Variants in CEACAM1 observed in about 807,000 individuals in gnomAD.
CEACAM1 encodes CEA cell adhesion molecule 1, also known as cell adhesion molecule CEACAM1.
A neutral mutation model predicts 49.1 loss-of-function variants in CEACAM1; 31 were observed. The ratio of observed to expected loss-of-function variants is 0.63; its 90% CI spans 0.47 to 0.85. The LOEUF (loss-of-function observed/expected upper bound fraction) is 0.85. CEACAM1 is among the 40% of genes least tolerant of loss of function. CEACAM1 has a pLI of 0.00. For missense variants in CEACAM1, 570 were observed against 645.3 expected, an observed-to-expected ratio of 0.88 and a Z score of 1.26; for synonymous variants, 244 against 247.8, an observed-to-expected ratio of 0.98 and a Z score of 0.14.
chr19:42,525,057 C>T (rs1749808155), intron 2 of CEACAM1, among the ~76,000 whole-genome samples: 1 of 152,030 alleles, frequency 6.6e-6, no homozygotes, highest in African/African-American at 2.4e-5. Flanking sequence ...GAGAGAACTA[C>T]TGAGTGTGTG....
chr19:42,522,132 G>A lies in CEACAM1; in HGVS notation c.495C>T (p.Phe165=). 1.9e-6 allele frequency: 3 copies of A among 1,614,234 alleles called. No individual in the cohort carries two copies. Among genetic ancestry groups the A allele is most frequent in the Non-Finnish European group, 2.5e-6 (3 of 1,180,046 alleles). ...TGTCCTGAGTCTCAGGTTCACAGGTGAAGGCCACAGCATCCTTGTCCTCCA... is the reference window on the plus strand; with the variant it reads ...TGTCCTGAGTCTCAGGTTCACAGGTAAAGGCCACAGCATCCTTGTCCTCCA... ...NPVEDKDAVA[F]TCEPETQDTT... Residue 165 remains phenylalanine, a synonymous_variant, in exon 3 of 9, where the codon TTC becomes TTT. Coordinates refer to ENST00000161559, the MANE Select transcript of CEACAM1 (RefSeq NM_001712.5).
intron 2 of CEACAM1, 47 bp from the exon 3 acceptor site, chr19:42,522,249 T>G: frequency 6.2e-7 from 1 of 1,605,302 alleles, no homozygotes; most frequent in Non-Finnish European, 8.5e-7. Flanking sequence ...CACCTTTGAT[T>G]CCTCCACAGG....
At chr19:42,512,624 T>C in intron 5 of CEACAM1, 145 bp from the exon 6 acceptor site, 1 of 710,368 alleles carries the variant, frequency 1.4e-6, no homozygotes, top group Non-Finnish European at 2.3e-6. Flanking sequence ...GGAAGGTGAT[T>C]AGCTAACTAT....
chr19:42,511,697 G>T, intron 6 of CEACAM1, 69 bp from the exon 7 acceptor site: 1 of 1,457,698 alleles, frequency 6.9e-7, no homozygotes, highest in Non-Finnish European at 9.6e-7. Flanking sequence ...AGTTAGGAAG[G>T]ACACTGTGAG....
intron 1 of CEACAM1, 91 bp from the exon 2 acceptor site, chr19:42,527,491 C>T (rs1328595822): frequency 6.8e-7 from 1 of 1,462,950 alleles, no homozygotes; most frequent in African/African-American, 1.4e-5. Context: ...GTGTCTTCAC[C>T]CCTCCACCTT....
chr19:42,515,187 CAGG>C (rs2041569561), intron 5 of CEACAM1: 1 of 528,956 alleles, frequency 1.9e-6, no homozygotes, highest in East Asian at 3.3e-5. Flanking sequence ...TGCTTGAGCC[CAGG>C]AGGTTGAGGC....
At position 42,507,494 on chromosome 19, in the gene CEACAM1, C is replaced by T. The variant is rs970592719; in HGVS notation, c.*1615G>A. 1 of 152,106 alleles carries T rather than the reference C, an allele frequency of 6.6e-6. No individual in the cohort carries two copies. Among genetic ancestry groups the T allele is most frequent in the African/African-American group, 2.4e-5 (1 of 41,410 alleles). 9.4% of individuals were successfully genotyped at this position (152,106 alleles called of 1,614,324 possible). On this transcript the variant is annotated 3_prime_UTR_variant, in exon 9 of 9. Transcript: ENST00000161559. The stretch of plus-strand genomic sequence containing the variant: ...GAGTATAGAGAACTCCAAGCTAATC[C>T]TCCTGGAGAAAGCCTCTTAGGCCTA...
At chr19:42,519,387 C>T in intron 4 of CEACAM1, 152 bp from the exon 5 acceptor site, 3 of 702,314 alleles carry the variant, frequency 4.3e-6, no homozygotes, top group Non-Finnish European at 7.3e-6. Context: ...AGCCCTGACC[C>T]TCTGCAGAAG....
At chr19:42,523,844 A>T (rs1161326428) in intron 2 of CEACAM1, among the ~76,000 whole-genome samples, 1 of 152,228 alleles carries the variant, frequency 6.6e-6, no homozygotes, top group Admixed American at 6.5e-5. Context: ...TGATCAAAGA[A>T]AGATGCTGAA....
intron 3 of CEACAM1, among the ~76,000 whole-genome samples, 161 bp downstream of exon 3, chr19:42,521,763 G>C (rs1445215870): frequency 6.6e-6 from 1 of 152,214 alleles, no homozygotes; most frequent in Non-Finnish European, 1.5e-5. Flanking sequence ...GTTCAGGCTG[G>C]GGCTGCCCAG....
intron 2 of CEACAM1, among the ~76,000 whole-genome samples, chr19:42,524,615 G>A (rs1324234415): frequency 6.6e-6 from 1 of 152,156 alleles, no homozygotes; most frequent in Admixed American, 6.5e-5. Flanking sequence ...CAGTGTGAGC[G>A]GGAAGGGAAC....
chr19:42,517,878 C>T (rs1209398916), intron 5 of CEACAM1, among the ~76,000 whole-genome samples: 1 of 152,058 alleles, frequency 6.6e-6, no homozygotes, highest in Non-Finnish European at 1.5e-5. Context: ...ATTTGTATAC[C>T]CATGTTTGTA....
Position 42,522,000 on chromosome 19 carries a change from G to T in CEACAM1, c.627C>A (p.Asp209Glu). Residue 209 changes from aspartate to glutamate, a missense_variant, in exon 3 of 9, where the codon GAC becomes GAA. Physicochemically the swap from Asp to Glu is conservative, Grantham distance 45. Transcript: ENST00000161559. ...TLTLLSVTRNDTGPYECEIQN... is the reference protein window; with the variant it reads ...TLTLLSVTRNETGPYECEIQN... ...GTATTTCACACTCATAGGGTCCTGTGTCATTCCTTGTGACACTGAGTAGAG... is the reference window on the plus strand; with the variant it reads ...GTATTTCACACTCATAGGGTCCTGTTTCATTCCTTGTGACACTGAGTAGAG... 1 of 1,614,232 alleles carries T rather than the reference G, an allele frequency of 6.2e-7. No homozygotes were observed.
intron 8 of CEACAM1, among the ~76,000 whole-genome samples, chr19:42,509,664 T>C (rs1403437182): frequency 2.0e-5 from 3 of 152,078 alleles, no homozygotes; most frequent in African/African-American, 4.8e-5. Flanking sequence ...TCTCGCTCTG[T>C]CGCCCAGGCT....
At chr19:42,526,452 C>T (rs776829528) in intron 2 of CEACAM1, among the ~76,000 whole-genome samples, 1 of 152,156 alleles carries the variant, frequency 6.6e-6, no homozygotes. Flanking sequence ...CAGGCTGAGA[C>T]TAAGGTGAAG....
At chr19:42,517,093 T>G (rs894453780) in intron 5 of CEACAM1, among the ~76,000 whole-genome samples, 2 of 152,232 alleles carry the variant, frequency 1.3e-5, no homozygotes, top group African/African-American at 4.8e-5. Flanking sequence ...AGGATAGTCT[T>G]TTCAACAAAT....
At chr19:42,522,337 C>G in intron 2 of CEACAM1, 135 bp from the exon 3 acceptor site, 1 of 1,438,160 alleles carries the variant, frequency 7.0e-7, no homozygotes. Flanking sequence ...TGCAATGGCA[C>G]GATCTCGGCT....
In CEACAM1 at chr19:42,512,435, C is replaced by CA. The variant is rs2041482069; in HGVS notation, c.1290dup (p.Ala431CysfsTer35). 6.2e-7 allele frequency: 1 copy of CA among 1,613,730 alleles called. No homozygotes were observed. Among genetic ancestry groups the CA allele is most frequent in the African/African-American group, 1.3e-5 (1 of 74,930 alleles). ...GCCACTACTCCAATCACAATGCCAGCAATGGCCCCAGGTGAGAGGCCATTT... is the reference window on the plus strand; with the variant it reads ...GCCACTACTCCAATCACAATGCCAGCAAATGGCCCCAGGTGAGAGGCCATTT... On this transcript the variant is annotated frameshift_variant, in exon 6 of 9. Transcript: ENST00000161559. LOFTEE classifies it high-confidence loss of function.
Position 42,521,702 on chromosome 19 carries a change from G to A in CEACAM1, c.704-181C>T, listed in dbSNP as rs957234131. 2.6e-5 allele frequency among the ~76,000 whole-genome samples: 4 copies of A among 152,220 alleles called. No homozygotes were observed. In the East Asian group the frequency reaches 5.8e-4, roughly 22 times the overall value. The stretch of plus-strand genomic sequence containing the variant: ...TCACCTGTTTCTCCCATCACAGGCT[G>A]TGGACCCTGAGCCTCCCAGGACAGG... On this transcript the variant is annotated intron_variant, in intron 3 of 8. Transcript: ENST00000161559.
Sources: allele counts gnomAD v4.1 joint callset (sites outside exome capture counted in the v4.1 genomes callset), GRCh38; gene constraint gnomAD v4.1.1; transcripts MANE v1.5; gene names NCBI Gene and HGNC (gene_info 2026-07-23, HGNC 2026-07-21).